NUDT7: variants seen among roughly 807,000 people sequenced by gnomAD.
NUDT7 encodes the protein peroxisomal coenzyme A diphosphatase NUDT7.
NUDT7 carries 19 observed loss-of-function variants against 13.1 expected under a neutral mutation model. The observed-to-expected ratio is 1.45, with a 90% CI of 1.01 to 2.13. The LOEUF (loss-of-function observed/expected upper bound fraction) is 2.13. NUDT7 is among the 30% of genes most tolerant of loss of function. The probability of loss-of-function intolerance (pLI) is 0.00; values close to 1 mark genes in which losing one functional copy is unlikely to be tolerated. For synonymous variants in NUDT7, 132 were observed against 109.7 expected (o/e 1.20, Z -1.27); for missense variants, 360 against 291.7 (o/e 1.23, Z -1.71).
intron 3 of NUDT7, among the ~76,000 whole-genome samples, chr16:77,741,032 A>G (rs1441097862): frequency 6.6e-6 from 1 of 152,198 alleles, no homozygotes; most frequent in Non-Finnish European, 1.5e-5. Flanking sequence ...GTATTATATC[A>G]CTTTACTTTT....
chr16:77,731,448 A>C (rs1381370821), intron 2 of NUDT7, among the ~76,000 whole-genome samples: 1 of 152,208 alleles, frequency 6.6e-6, no homozygotes, highest in Non-Finnish European at 1.5e-5. Context: ...AGCACAAGAC[A>C]TTACTCACAT....
intron 2 of NUDT7, among the ~76,000 whole-genome samples, chr16:77,732,154 C>T (rs2014337552): frequency 6.6e-6 from 1 of 151,924 alleles, no homozygotes; most frequent in African/African-American, 2.4e-5. Flanking sequence ...ATGGCCAAAC[C>T]TCATCTCTAC....
At chr16:77,732,731 C>T (rs973817841) in intron 2 of NUDT7, among the ~76,000 whole-genome samples, 2 of 152,214 alleles carry the variant, frequency 1.3e-5, no homozygotes, top group Admixed American at 6.5e-5. Context: ...GTGTTGTTTA[C>T]ACGATGATGA....
Position 77,741,630 on chromosome 16 carries a change from C to T in NUDT7, c.397C>T (p.Gln133Ter), listed in dbSNP as rs1336206638. ...TGTGGGTTTAATAGACCACAACTTC[C>T]AGGCCCAGCCGAATCCTGCTGAAGT... ...PFVGLIDHNF[Q>*]AQPNPAEVKD... Residue 133 changes from glutamine to a stop codon, truncating the protein, a stop_gained, in exon 4 of 4, where the codon CAG (glutamine) becomes TAG (stop). Coordinates refer to ENST00000268533, the MANE Select transcript of NUDT7 (RefSeq NM_001105663.3). LOFTEE classifies it low-confidence loss of function (END_TRUNC). The T allele has an allele frequency of 6.2e-7, 1 of 1,613,598 alleles. No individual in the cohort carries two copies. The highest frequency in any genetic ancestry group is 8.5e-7 in the Non-Finnish European group (1 of 1,179,934).
chr16:77,730,376 G>T (rs2014283460), intron 2 of NUDT7, among the ~76,000 whole-genome samples: 1 of 152,096 alleles, frequency 6.6e-6, no homozygotes, highest in Non-Finnish European at 1.5e-5. Context: ...AGATCATGTG[G>T]CATCTGTGAC....
Position 77,741,728 on chromosome 16 carries a change from T to C in NUDT7, c.495T>C (p.Arg165=). The change falls in exon 4 of 4, where the codon CGT becomes CGC. Residue 165 remains arginine (R), a synonymous_variant. Transcript: ENST00000268533. ...TCCATGACCAGCATTACGTCACACGTCTTGGTCACCGTTTTATTAATCATA... is the reference window on the plus strand; with the variant it reads ...TCCATGACCAGCATTACGTCACACGCCTTGGTCACCGTTTTATTAATCATA... ...PQVHDQHYVT[R]LGHRFINHIF... is the part of the protein sequence containing the mutation. The C allele has an allele frequency of 1.2e-5, 19 of 1,614,134 alleles. No individual in the cohort carries two copies. Among genetic ancestry groups the C allele is most frequent in the Non-Finnish European group, 1.6e-5 (19 of 1,180,028 alleles).
intron 3 of NUDT7, among the ~76,000 whole-genome samples, chr16:77,739,132 C>G (rs927779855): frequency 6.6e-6 from 1 of 152,198 alleles, no homozygotes. Flanking sequence ...TGATAACTCA[C>G]TGTTACCAGA....
rs2014684509 is a variant in NUDT7, at chr16:77,742,024, C to T, written c.*74C>T. 6.7e-7 allele frequency: 1 copy of T among 1,493,212 alleles called. No homozygotes were observed. The highest frequency in any genetic ancestry group is 1.4e-5 in the South Asian group (1 of 71,764). 92.5% of individuals were successfully genotyped at this position (1,493,212 alleles called of 1,614,324 possible). ...CTTATTCGTAGAACAACAACAATGC[C>T]AGCTGTTGGAATTTGACAGGTGTGA... On this transcript the variant is annotated 3_prime_UTR_variant, in exon 4 of 4. Coordinates refer to ENST00000268533, the MANE Select transcript of NUDT7 (RefSeq NM_001105663.3).
At chr16:77,728,151 C>T (rs1481031401) in intron 2 of NUDT7, among the ~76,000 whole-genome samples, 1 of 152,122 alleles carries the variant, frequency 6.6e-6, no homozygotes, top group African/African-American at 2.4e-5. Flanking sequence ...GAGATTTCCC[C>T]CCAGTGGATG....
At chr16:77,741,514 C>T (rs1597121278) in intron 3 of NUDT7, 68 bp from the exon 4 acceptor site, 1 of 1,472,632 alleles carries the variant, frequency 6.8e-7, no homozygotes, top group East Asian at 2.3e-5. Context: ...CTAGAAGTGG[C>T]ATGATTTTAG....
At position 77,722,629 on chromosome 16, in the gene NUDT7, C is replaced by G. The variant is rs369743737; in HGVS notation, c.35+12C>G. The G allele has an allele frequency of 2.5e-6, 4 of 1,589,370 alleles. 1 individual carries two copies. The Admixed American group carries it at 5.2e-5, about 21-fold the overall frequency. On this transcript the variant is annotated intron_variant, in intron 1 of 3. Coordinates refer to ENST00000268533, the MANE Select transcript of NUDT7 (RefSeq NM_001105663.3). Reference sequence around the variant, plus strand: ...GAGGAGCCAGTCAGGTAAAGGCTTTCCGGGCCCTGGCACCCCGAGCTTGGT... The same window carrying G: ...GAGGAGCCAGTCAGGTAAAGGCTTTGCGGGCCCTGGCACCCCGAGCTTGGT...
rs779554588 is a variant in NUDT7 at position 77,741,810 on chromosome 16, G to A, written c.577G>A (p.Ala193Thr). ...CACTTACCAGATCAAGGGAATGACG[G>A]CAAACCTTGCAGTGTTGGTGGCCTT... Reference protein sequence around the residue: ...GVTYQIKGMTANLAVLVAFII... With the variant: ...GVTYQIKGMTTNLAVLVAFII... The change falls in exon 4 of 4, where the codon GCA (alanine) becomes ACA (threonine). Residue 193 changes from alanine (A) to threonine (T), a missense_variant. Transcript: ENST00000268533. 1.2e-6 allele frequency: 2 copies of A among 1,614,148 alleles called. No individual in the cohort carries two copies. Among genetic ancestry groups the A allele is most frequent in the Non-Finnish European group, 1.7e-6 (2 of 1,180,038 alleles).
intron 2 of NUDT7, among the ~76,000 whole-genome samples, chr16:77,732,631 T>C (rs1057495862): frequency 7.2e-5 from 11 of 152,208 alleles, no homozygotes; most frequent in Admixed American, 7.2e-4. Context: ...AGTAAAATGG[T>C]ATACAGGTTG....
intron 1 of NUDT7, among the ~76,000 whole-genome samples, chr16:77,723,329 G>C (rs994080394): frequency 6.6e-6 from 1 of 151,928 alleles, no homozygotes; most frequent in Non-Finnish European, 1.5e-5. Context: ...ATTTTTTTCA[G>C]GCCATTTGGT....
chr16:77,731,197 C>G (rs960170410), intron 2 of NUDT7, among the ~76,000 whole-genome samples: 1 of 152,096 alleles, frequency 6.6e-6, no homozygotes, highest in African/African-American at 2.4e-5. Context: ...TCTCACTAAT[C>G]CAAAATGATC....
At chr16:77,730,455 C>CT (rs1377028914) in intron 2 of NUDT7, among the ~76,000 whole-genome samples, 1 of 152,080 alleles carries the variant, frequency 6.6e-6, no homozygotes, top group Non-Finnish European at 1.5e-5. Context: ...GGATTTCCTT[C>CT]TTTTTTATGA....
rs781481683 is a variant in NUDT7 at position 77,729,030 on chromosome 16, C to A, written c.189+3446C>A. ...TCAGGAACAAAGCAAAGATTGAAGT[C>A]TTAGGAAATTAGGCTGCAGCTTTAC... On this transcript the variant is annotated intron_variant, in intron 2 of 3. Coordinates refer to ENST00000268533, the MANE Select transcript of NUDT7 (RefSeq NM_001105663.3). Among the ~76,000 whole-genome samples the A allele has an allele frequency of 7.8e-4, 118 of 152,096 alleles. 1 individual carries two copies. The highest frequency in any genetic ancestry group is 3.1e-4 in the Non-Finnish European group (21 of 68,028).
intron 2 of NUDT7, among the ~76,000 whole-genome samples, chr16:77,733,022 C>T (rs149885488): frequency 9.9e-4 from 150 of 152,262 alleles, no homozygotes; most frequent in African/African-American, 3.2e-3. Flanking sequence ...CTTCTTTTCA[C>T]CTGTTTTTAC....
chr16:77,725,153 A>G (rs1379091784), intron 1 of NUDT7, among the ~76,000 whole-genome samples: 1 of 152,204 alleles, frequency 6.6e-6, no homozygotes, highest in Admixed American at 6.5e-5. Context: ...TCAAAATTCA[A>G]CTGTTGCATT....
Sources: gnomAD v4.1 joint callset for allele counts (sites outside exome capture counted in the v4.1 genomes callset) on GRCh38, gnomAD v4.1.1 for gene constraint, MANE v1.5 for transcripts, NCBI Gene and HGNC (gene_info 2026-07-23, HGNC 2026-07-21) for gene names.